FOXC1: variants seen among roughly 807,000 people sequenced by gnomAD.
FOXC1 encodes forkhead box protein C1.
In FOXC1, 5 loss-of-function variants were observed where a neutral mutation model predicts 8.1. That is an observed-to-expected ratio of 0.62 (90% CI 0.32 to 1.30). The LOEUF is 1.30. Ranked by LOEUF, FOXC1 falls within the 50% of genes most tolerant of loss-of-function variation. FOXC1 has a pLI of 0.05. For missense variants in FOXC1, 942 were observed against 858.0 expected, an observed-to-expected ratio of 1.10 and a Z score of -1.22; for synonymous variants, 552 against 417.2, an observed-to-expected ratio of 1.32 and a Z score of -3.94.
chr6:1,612,171 G>A lies in FOXC1; in HGVS notation c.*64G>A. On this transcript the variant is annotated 3_prime_UTR_variant, in exon 1 of 1. Transcript: ENST00000645831. ...GGAAAAGCTAAAGGAACCCATCAAG[G>A]CAAAATCGAAACTAAAAAAAAAAAA... 1 of 1,602,542 alleles carries A rather than the reference G, an allele frequency of 6.2e-7. No homozygotes were observed.
At position 1,610,841 on chromosome 6, in the gene FOXC1, C is replaced by T. The variant is rs1236354436; in HGVS notation, c.396C>T (p.Leu132=). The T allele has an allele frequency of 1.2e-6, 2 of 1,613,966 alleles. No individual in the cohort carries two copies. The highest frequency in any genetic ancestry group is 1.7e-6 in the Non-Finnish European group (2 of 1,180,020). Residue 132 remains leucine (L), a synonymous_variant, in exon 1 of 1, where the codon CTC becomes CTT. Transcript: ENST00000645831. Reference sequence around the variant, plus strand: ...ACAGCATCCGCCACAACCTCTCGCTCAACGAGTGCTTCGTCAAGGTGCCGC... The same window carrying T: ...ACAGCATCCGCCACAACCTCTCGCTTAACGAGTGCTTCGTCAAGGTGCCGC... ...WQNSIRHNLS[L]NECFVKVPRD... is the part of the protein sequence containing the mutation.
In FOXC1 at chr6:1,613,183, G is replaced by C. The variant is rs954747882; in HGVS notation, c.*1076G>C. On this transcript the variant is annotated 3_prime_UTR_variant, in exon 1 of 1. Coordinates refer to ENST00000645831, the MANE Select transcript of FOXC1 (RefSeq NM_001453.3). Reference sequence around the variant, plus strand: ...CTTACCACGGTGATGCCTGTGTGCCGAGAGATGGGACTGTGCGGCCAGATA... The same window carrying C: ...CTTACCACGGTGATGCCTGTGTGCCCAGAGATGGGACTGTGCGGCCAGATA... The C allele has an allele frequency of 1.9e-4, 45 of 241,676 alleles. No individual in the cohort carries two copies. The highest frequency in any genetic ancestry group is 2.6e-5 in the Non-Finnish European group (3 of 114,158). 15.0% of individuals were successfully genotyped at this position (241,676 alleles called of 1,614,324 possible).
In FOXC1 at chr6:1,611,162, C is replaced by T. The variant is rs972839946; in HGVS notation, c.717C>T (p.Pro239=). The T allele has an allele frequency of 1.4e-6, 2 of 1,454,452 alleles. No homozygotes were observed. The highest frequency in any genetic ancestry group is 1.5e-5 in the African/African-American group (1 of 67,276). 90.1% of individuals were successfully genotyped at this position (1,454,452 alleles called of 1,614,324 possible). A position where few individuals can be genotyped will look rare whatever the true frequency, so the allele number is the denominator to read the frequency against. Residue 239 remains proline, a synonymous_variant, in exon 1 of 1, where the codon CCC becomes CCT. Coordinates refer to ENST00000645831, the MANE Select transcript of FOXC1 (RefSeq NM_001453.3). The surrounding 1 kb of genome is among the most constrained non-coding windows in gnomAD (Gnocchi z 7.1). The part of the protein sequence containing the change: ...ENGTCPSPPQ[P]LSPAAALGSG... ...GTACGTGCCCCTCGCCGCCCCAGCC[C>T]CTGTCCCCGGCCGCCGCCCTGGGCA...
chr6:1,611,567 G>GGGCGGGGGC lies in FOXC1; in HGVS notation c.1127_1128insGGGCGGCGG (p.Gly378_Gly380dup), dbSNP rs1762548709. On this transcript the variant is annotated inframe_insertion, in exon 1 of 1. Coordinates refer to ENST00000645831, the MANE Select transcript of FOXC1 (RefSeq NM_001453.3). This position sits in a 1 kb window ranked among gnomAD's most constrained non-coding sequence, Gnocchi z 7.1. ...GCCAGACCTCCAGCGCGGGCAGCTCGGGCGGCGGCGGCGGCGGCGCGGGGG... is the reference window on the plus strand; with the variant it reads ...GCCAGACCTCCAGCGCGGGCAGCTCGGGCGGGGGCGGCGGCGGCGGCGGCGGCGCGGGGG... 1.8e-6 allele frequency: 2 copies of GGGCGGGGGC among 1,138,918 alleles called. No homozygotes were observed. The highest frequency in any genetic ancestry group is 2.1e-6 in the Non-Finnish European group (2 of 934,060). 70.6% of individuals were successfully genotyped at this position (1,138,918 alleles called of 1,614,324 possible).
chr6:1,610,645 A>G lies in FOXC1; in HGVS notation c.200A>G (p.Tyr67Cys). 6.2e-7 allele frequency: 1 copy of G among 1,612,878 alleles called. No homozygotes were observed. Among genetic ancestry groups the G allele is most frequent in the Non-Finnish European group, 8.5e-7 (1 of 1,179,858 alleles). Residue 67 changes from tyrosine to cysteine, a missense_variant, in exon 1 of 1, where the codon TAC becomes TGC. This residue lies in a region of FOXC1 where 190 missense variants were observed against 176.8 expected (regional missense o/e 1.07). Transcript: ENST00000645831. The part of the protein sequence containing the change: ...PGGMARAYGP[Y>C]TPQPQPKDMV... ...GGCATGGCCCGCGCCTACGGGCCCT[A>G]CACGCCGCAGCCGCAGCCCAAGGAC...
chr6:1,611,422 C>A lies in FOXC1; in HGVS notation c.977C>A (p.Ala326Glu). ...CGGGGGTCGCCGCAGAGCGCGGCCGCGGAGCTCAGCTCCGGCCTTCTGGCC... is the reference window on the plus strand; with the variant it reads ...CGGGGGTCGCCGCAGAGCGCGGCCGAGGAGCTCAGCTCCGGCCTTCTGGCC... ...SLRGSPQSAA[A>E]ELSSGLLASA... Residue 326 changes from alanine to glutamate, a missense_variant, in exon 1 of 1, where the codon GCG becomes GAG. Around this residue, in one of 4 missense-constraint regions of FOXC1, gnomAD observed 726 missense variants for 599.6 expected, o/e 1.21. Coordinates refer to ENST00000645831, the MANE Select transcript of FOXC1 (RefSeq NM_001453.3). This position sits in a 1 kb window ranked among gnomAD's most constrained non-coding sequence, Gnocchi z 7.1. The A allele has an allele frequency of 6.9e-7, 1 of 1,442,048 alleles. No homozygotes were observed. Among genetic ancestry groups the A allele is most frequent in the Non-Finnish European group, 9.1e-7 (1 of 1,099,092 alleles). The allele number at this position is 1,442,048 out of a possible 1,614,324, so 89.3% of individuals were successfully genotyped here.
In FOXC1 at chr6:1,610,431, C is replaced by A. The variant is rs1192125909; in HGVS notation, c.-15C>A. 7.9e-7 allele frequency: 1 copy of A among 1,270,832 alleles called. No homozygotes were observed. Among genetic ancestry groups the A allele is most frequent in the Non-Finnish European group, 9.9e-7 (1 of 1,005,502 alleles). 78.7% of individuals were successfully genotyped at this position (1,270,832 alleles called of 1,614,324 possible). A position where few individuals can be genotyped will look rare whatever the true frequency, so the allele number is the denominator to read the frequency against. ...GGGGGCGGCGGGCGGCGCGGGGCGGCGGCGAGCGGGGGCCATGCAGGCGCG... is the reference window on the plus strand; with the variant it reads ...GGGGGCGGCGGGCGGCGCGGGGCGGAGGCGAGCGGGGGCCATGCAGGCGCG... On this transcript the variant is annotated 5_prime_UTR_variant, in exon 1 of 1. Coordinates refer to ENST00000645831, the MANE Select transcript of FOXC1 (RefSeq NM_001453.3).
Position 1,611,919 on chromosome 6 carries a change from G to A in FOXC1, c.1474G>A (p.Ala492Thr). The part of the protein sequence containing the change: ...LGHLASAAAA[A>T]AAAGYPGQQQ... ...CCACTTGGCGAGCGCGGCGGCGGCG[G>A]CGGCGGCCGCAGGCTACCCGGGCCA... The change falls in exon 1 of 1, where the codon GCG becomes ACG. Residue 492 changes from alanine (A) to threonine (T), a missense_variant. By Grantham distance (58) the Ala-to-Thr change is moderately conservative (BLOSUM62 0). Around this residue, in one of 4 missense-constraint regions of FOXC1, gnomAD observed 726 missense variants for 599.6 expected, o/e 1.21. Transcript: ENST00000645831. The surrounding 1 kb of genome is among the most constrained non-coding windows in gnomAD (Gnocchi z 7.1). The A allele has an allele frequency of 6.4e-7, 1 of 1,556,836 alleles. No homozygotes were observed.
chr6:1,611,397 C>CG lies in FOXC1; in HGVS notation c.957dup (p.Ser320ValfsTer208). 6.9e-7 allele frequency: 1 copy of CG among 1,450,254 alleles called. No homozygotes were observed. The highest frequency in any genetic ancestry group is 9.1e-7 in the Non-Finnish European group (1 of 1,103,444). 89.8% of individuals were successfully genotyped at this position (1,450,254 alleles called of 1,614,324 possible). A position where few individuals can be genotyped will look rare whatever the true frequency, so the allele number is the denominator to read the frequency against. ...CGTGGACAACATCATGACGTCGCTG[C>CG]GGGGGTCGCCGCAGAGCGCGGCCGC... On this transcript the variant is annotated frameshift_variant, in exon 1 of 1. Transcript: ENST00000645831. LOFTEE classifies it low-confidence loss of function (END_TRUNC). The surrounding 1 kb of genome is among the most constrained non-coding windows in gnomAD (Gnocchi z 7.1).
In FOXC1 at chr6:1,613,146, A is replaced by T. The variant is rs371193842; in HGVS notation, c.*1039A>T. The T allele has an allele frequency of 4.6e-5, 11 of 241,290 alleles. No individual in the cohort carries two copies. The South Asian group carries it at 7.3e-4, about 16-fold the overall frequency. The allele number at this position is 241,290 out of a possible 1,614,324, so 14.9% of individuals were successfully genotyped here. On this transcript the variant is annotated 3_prime_UTR_variant, in exon 1 of 1. Coordinates refer to ENST00000645831, the MANE Select transcript of FOXC1 (RefSeq NM_001453.3). ...TGATTCGGAAATTTTAAGCCCATGA[A>T]TCAGCCGCGGTCTTACCACGGTGAT...
In FOXC1 at chr6:1,612,933, G is replaced by T. The variant is rs1554101238; in HGVS notation, c.*826G>T. ...TCTCCACCTAAATCTCTGAAAAATG[G>T]AGAAACCCTCTGACTAGTCCATGTC... is the stretch of plus-strand genomic sequence containing the variant. On this transcript the variant is annotated 3_prime_UTR_variant, in exon 1 of 1. Transcript: ENST00000645831. 1 of 221,058 alleles carries T rather than the reference G, an allele frequency of 4.5e-6. No individual in the cohort carries two copies. Among genetic ancestry groups the T allele is most frequent in the South Asian group, 1.9e-4 (1 of 5,274 alleles). The allele number at this position is 221,058 out of a possible 1,614,324, so 13.7% of individuals were successfully genotyped here. A position where few individuals can be genotyped will look rare whatever the true frequency, so the allele number is the denominator to read the frequency against.
At position 1,610,491 on chromosome 6, in the gene FOXC1, G is replaced by T; in HGVS notation, c.46G>T (p.Val16Leu). Reference protein sequence around the residue: ...SVSSPNSLGVVPYLGGEQSYY... With the variant: ...SVSSPNSLGVLPYLGGEQSYY... ...GTCCAGCCCCAACTCCCTGGGAGTG[G>T]TGCCCTACCTCGGCGGCGAGCAGAG... is the stretch of plus-strand genomic sequence containing the variant. Residue 16 changes from valine (V) to leucine (L), a missense_variant, in exon 1 of 1, where the codon GTG (valine) becomes TTG (leucine). Transcript: ENST00000645831. 1 of 1,499,970 alleles carries T rather than the reference G, an allele frequency of 6.7e-7. No homozygotes were observed. The highest frequency in any genetic ancestry group is 1.3e-5 in the South Asian group (1 of 75,408). The allele number at this position is 1,499,970 out of a possible 1,614,324, so 92.9% of individuals were successfully genotyped here.
rs1407613742 is a variant in FOXC1, at chr6:1,612,266, T to TCACCAG, written c.*169_*174dup. 2 of 1,112,076 alleles carry TCACCAG rather than the reference T, an allele frequency of 1.8e-6. No homozygotes were observed. The highest frequency in any genetic ancestry group is 2.6e-6 in the Non-Finnish European group (2 of 773,370). The allele number at this position is 1,112,076 out of a possible 1,614,324, so 68.9% of individuals were successfully genotyped here. A position where few individuals can be genotyped will look rare whatever the true frequency, so the allele number is the denominator to read the frequency against. ...CAGAATATCCCTCCAAAAATTCAGC[T>TCACCAG]CACCAGCACCAGCACGAAGAAAACT... On this transcript the variant is annotated 3_prime_UTR_variant, in exon 1 of 1. Coordinates refer to ENST00000645831, the MANE Select transcript of FOXC1 (RefSeq NM_001453.3).
rs1216843912 is a variant in FOXC1 at position 1,613,313 on chromosome 6, C to G, written c.*1206C>G. 1.7e-5 allele frequency: 4 copies of G among 230,362 alleles called. No homozygotes were observed. Among genetic ancestry groups the G allele is most frequent in the Non-Finnish European group, 3.7e-5 (4 of 107,428 alleles). The allele number at this position is 230,362 out of a possible 1,614,324, so 14.3% of individuals were successfully genotyped here. A position where few individuals can be genotyped will look rare whatever the true frequency, so the allele number is the denominator to read the frequency against. The stretch of plus-strand genomic sequence containing the variant: ...ATAGATATTTTCCTATTATTTCAGT[C>G]CTTTATAAAAGGAAAAATAAACCAG... On this transcript the variant is annotated 3_prime_UTR_variant, in exon 1 of 1. Transcript: ENST00000645831.
In FOXC1 at chr6:1,611,631, A is replaced by C; in HGVS notation, c.1186A>C (p.Asn396His). Residue 396 changes from asparagine (N) to histidine (H), a missense_variant, in exon 1 of 1, where the codon AAC becomes CAC. Transcript: ENST00000645831. The surrounding 1 kb of genome is among the most constrained non-coding windows in gnomAD (Gnocchi z 7.1). ...GAGGAGTYHC[N>H]LQAMSLYAAG... ...GGGCGGCGCCGGGACCTACCACTGC[A>C]ACCTGCAAGCCATGAGCCTGTACGC... 7.7e-7 allele frequency: 1 copy of C among 1,294,532 alleles called. No individual in the cohort carries two copies. The highest frequency in any genetic ancestry group is 9.7e-7 in the Non-Finnish European group (1 of 1,030,808). The allele number at this position is 1,294,532 out of a possible 1,614,324, so 80.2% of individuals were successfully genotyped here. A position where few individuals can be genotyped will look rare whatever the true frequency, so the allele number is the denominator to read the frequency against.
rs1303575386 is a variant in FOXC1, at chr6:1,610,121, T to G, written c.-325T>G. ...TGGCGAGAAGGGCGCCTGCTTGTTC[T>G]TTCTTTTTGTCTGCTTTCCCCCGTT... On this transcript the variant is annotated 5_prime_UTR_variant, in exon 1 of 1. Transcript: ENST00000645831. The G allele has an allele frequency of 6.7e-6, 1 of 150,126 alleles. No individual in the cohort carries two copies. The highest frequency in any genetic ancestry group is 2.4e-5 in the African/African-American group (1 of 40,852). The allele number at this position is 150,126 out of a possible 1,614,324, so 9.3% of individuals were successfully genotyped here.
chr6:1,611,419 C>T lies in FOXC1; in HGVS notation c.974C>T (p.Ala325Val), dbSNP rs1456771051. The T allele has an allele frequency of 2.1e-6, 3 of 1,443,980 alleles. No individual in the cohort carries two copies. Among genetic ancestry groups the T allele is most frequent in the Non-Finnish European group, 2.7e-6 (3 of 1,100,126 alleles). The allele number at this position is 1,443,980 out of a possible 1,614,324, so 89.4% of individuals were successfully genotyped here. ...TSLRGSPQSA[A>V]AELSSGLLAS... Reference sequence around the variant, plus strand: ...CTGCGGGGGTCGCCGCAGAGCGCGGCCGCGGAGCTCAGCTCCGGCCTTCTG... The same window carrying T: ...CTGCGGGGGTCGCCGCAGAGCGCGGTCGCGGAGCTCAGCTCCGGCCTTCTG... The change falls in exon 1 of 1, where the codon GCC becomes GTC. Residue 325 changes from alanine (A) to valine (V), a missense_variant. Physicochemically the swap from Ala to Val is moderately conservative, Grantham distance 64. Around this residue, in one of 4 missense-constraint regions of FOXC1, gnomAD observed 726 missense variants for 599.6 expected, o/e 1.21. Transcript: ENST00000645831. The surrounding 1 kb of genome is among the most constrained non-coding windows in gnomAD (Gnocchi z 7.1).
In FOXC1 at chr6:1,610,416, G is replaced by GGCGGCGC. The variant is rs1762514041; in HGVS notation, c.-28_-22dup. The GGCGGCGC allele has an allele frequency of 8.3e-7, 1 of 1,209,628 alleles. No individual in the cohort carries two copies. The highest frequency in any genetic ancestry group is 1.6e-5 in the African/African-American group (1 of 62,574). The allele number at this position is 1,209,628 out of a possible 1,614,324, so 74.9% of individuals were successfully genotyped here. On this transcript the variant is annotated 5_prime_UTR_variant, in exon 1 of 1. Transcript: ENST00000645831. ...GCCCGAGCGAGGGTGGGGGGCGGCGGGCGGCGCGGGGCGGCGGCGAGCGGG... is the reference window on the plus strand; with the variant it reads ...GCCCGAGCGAGGGTGGGGGGCGGCGGGCGGCGCGCGGCGCGGGGCGGCGGCGAGCGGG...
In FOXC1 at chr6:1,611,531, C is replaced by T. The variant is rs1312662730; in HGVS notation, c.1086C>T (p.Ser362=). The part of the protein sequence containing the change: ...AYSPGQSSLY[S]SPCSQTSSAG... ...CGCCCGGCCAGAGCTCCCTCTACAG[C>T]TCCCCCTGCAGCCAGACCTCCAGCG... The change falls in exon 1 of 1, where the codon AGC becomes AGT. Residue 362 remains serine, a synonymous_variant. Transcript: ENST00000645831. The surrounding 1 kb of genome is among the most constrained non-coding windows in gnomAD (Gnocchi z 7.1). 5.3e-6 allele frequency: 7 copies of T among 1,312,682 alleles called. No homozygotes were observed. The highest frequency in any genetic ancestry group is 1.5e-5 in the African/African-American group (1 of 64,784). The allele number at this position is 1,312,682 out of a possible 1,614,324, so 81.3% of individuals were successfully genotyped here. A position where few individuals can be genotyped will look rare whatever the true frequency, so the allele number is the denominator to read the frequency against.
Sources: allele counts gnomAD v4.1 joint callset, GRCh38; gene constraint gnomAD v4.1.1; regional missense constraint gnomAD v4.1.1; non-coding constraint Gnocchi (gnomAD v3.1); transcripts MANE v1.5; gene names NCBI Gene and HGNC (gene_info 2026-07-23, HGNC 2026-07-21).